The following AADAT variants were observed in gnomAD, a reference collection of about 807,000 sequenced individuals.
AADAT encodes kynurenine/alpha-aminoadipate aminotransferase, mitochondrial.
Under a neutral mutation model 56.2 loss-of-function variants are expected in AADAT, and 25 were observed. The observed-to-expected ratio is 0.44, with a 90% CI of 0.32 to 0.62. The LOEUF (loss-of-function observed/expected upper bound fraction) is 0.62. AADAT is among the 20% of genes least tolerant of loss of function. The pLI is 0.04. For synonymous variants in AADAT, 173 were observed against 164.7 expected (o/e 1.05, Z -0.39); for missense variants, 387 against 510.5 (o/e 0.76, Z 2.33).
chr4:170,076,972 C>T (rs975513714), intron 4 of AADAT, among the ~76,000 whole-genome samples: 5 of 152,220 alleles, frequency 3.3e-5, no homozygotes, highest in African/African-American at 9.6e-5. Flanking sequence ...ACTATCCTTT[C>T]CCCCACTGAA....
intron 4 of AADAT, among the ~76,000 whole-genome samples, chr4:170,076,867 A>G (rs1398148309): frequency 2.0e-5 from 3 of 152,126 alleles, no homozygotes; most frequent in Non-Finnish European, 4.4e-5. Context: ...TCTTTGATCC[A>G]TTTTGAGTTA....
At chr4:170,066,862 T>C (rs910072972) in intron 9 of AADAT, among the ~76,000 whole-genome samples, 1 of 152,198 alleles carries the variant, frequency 6.6e-6, no homozygotes, top group African/African-American at 2.4e-5. Flanking sequence ...TTCCTCCTTA[T>C]TTCTAAATGT....
chr4:170,090,231 G>A (rs1390683966), upstream of AADAT: 2 of 152,220 alleles, frequency 1.3e-5, no homozygotes, highest in African/African-American at 4.8e-5. Flanking sequence ...TGACCGAGGG[G>A]ACCGGAAGTG....
chr4:170,068,570 G>T, intron 8 of AADAT, 21 bp downstream of exon 8: 3 of 1,505,980 alleles, frequency 2.0e-6, no homozygotes, highest in South Asian at 2.5e-5. Flanking sequence ...AAAAAAAATC[G>T]ATTTCCTAAA....
At chr4:170,092,487 G>A (rs1426547341), upstream of AADAT, among the ~76,000 whole-genome samples, 1 of 152,168 alleles carries the variant, frequency 6.6e-6, no homozygotes, top group African/African-American at 2.4e-5. Flanking sequence ...ACAAACTCTG[G>A]ACACACTGAC....
intron 1 of AADAT, 100 bp downstream of exon 1, chr4:170,089,524 G>T: frequency 7.7e-7 from 1 of 1,306,206 alleles, no homozygotes; most frequent in South Asian, 1.2e-5. Flanking sequence ...ACAGGGGTAC[G>T]CATGGATGCA....
In AADAT at chr4:170,068,610, T is replaced by A. The variant is rs781637765; in HGVS notation, c.881A>T (p.His294Leu). 2 of 1,603,730 alleles carry A rather than the reference T, an allele frequency of 1.2e-6. No individual in the cohort carries two copies. Among genetic ancestry groups the A allele is most frequent in the South Asian group, 2.3e-5 (2 of 88,202 alleles). ...CCTTACCTGGTTAAAAGTGCTGGGG[T>A]GCAATGTTGAAACTTGTATGTGTAA... is the stretch of plus-strand genomic sequence containing the variant. Reference protein sequence around the residue: ...VILHIQVSTLHPSTFNQLMIS... With the variant: ...VILHIQVSTLLPSTFNQLMIS... Residue 294 changes from histidine to leucine, a missense_variant, in exon 8 of 13, where the codon CAC becomes CTC. Coordinates refer to ENST00000337664, the MANE Select transcript of AADAT (RefSeq NM_016228.4).
intron 3 of AADAT, among the ~76,000 whole-genome samples, chr4:170,086,107 T>C (rs75770056): frequency 0.036 from 5,416 of 152,074 alleles, 324 homozygotes; most frequent in African/African-American, 0.12. Context: ...TAGCTAGGCA[T>C]ATTGGTGTGC....
chr4:170,088,453 G>T lies in AADAT; in HGVS notation c.179C>A (p.Thr60Asn). The part of the protein sequence containing the change: ...TAVITVENGK[T>N]IQFGEEMMKR... ...CATCATCTCTTCTCCAAATTGGATGGTCTTTCCATTTTCTACAGTGATTAC... is the reference window on the plus strand; with the variant it reads ...CATCATCTCTTCTCCAAATTGGATGTTCTTTCCATTTTCTACAGTGATTAC... Residue 60 changes from threonine to asparagine, a missense_variant, in exon 2 of 13, where the codon ACC becomes AAC. Thr to Asn is a moderately conservative substitution (Grantham distance 65). Transcript: ENST00000337664. 1 of 1,612,966 alleles carries T rather than the reference G, an allele frequency of 6.2e-7. No homozygotes were observed. Among genetic ancestry groups the T allele is most frequent in the African/African-American group, 1.3e-5 (1 of 74,998 alleles).
rs764583632 is a variant in AADAT at position 170,088,120 on chromosome 4, G to A, written c.236+276C>T. Among the ~76,000 whole-genome samples, 29 of 151,788 alleles carry A rather than the reference G, an allele frequency of 1.9e-4. No homozygotes were observed. The Middle Eastern group carries it at 0.01, about 53-fold the overall frequency. On this transcript the variant is annotated intron_variant, in intron 2 of 12. Transcript: ENST00000337664. ...GAAGCCTTCTTGGTCATTTGCGATT[G>A]AGAAGCAATCACTGAGGAGTGTTAA...
At chr4:170,089,355 C>T (rs76680776) in intron 1 of AADAT, 21,265 of 586,554 alleles carry the variant, frequency 0.036, 500 homozygotes, top group Middle Eastern at 0.058. Context: ...CCCCTCCCTT[C>T]CAAGGCCGTG....
At chr4:170,089,550 G>A in intron 1 of AADAT, 74 bp downstream of exon 1, 1 of 1,569,432 alleles carries the variant, frequency 6.4e-7, no homozygotes, top group Admixed American at 1.7e-5. Context: ...GCGGTGGCTT[G>A]CTAGGGAACC....
intron 12 of AADAT, 141 bp downstream of exon 12, chr4:170,061,751 A>T: frequency 2.1e-6 from 1 of 467,504 alleles, no homozygotes; most frequent in Middle Eastern, 5.5e-4. Flanking sequence ...TTTTAATGAT[A>T]GTTCATGACT....
At chr4:170,071,359 C>G (rs775583838) in intron 5 of AADAT, among the ~76,000 whole-genome samples, 1 of 152,150 alleles carries the variant, frequency 6.6e-6, no homozygotes, top group Non-Finnish European at 1.5e-5. Flanking sequence ...GTCAGTTGTG[C>G]AAATATCAGA....
At chr4:170,064,156 T>A (rs935427405) in intron 11 of AADAT, among the ~76,000 whole-genome samples, 3 of 152,160 alleles carry the variant, frequency 2.0e-5, no homozygotes, top group Non-Finnish European at 2.9e-5. Context: ...ATTTAAAAAA[T>A]TTTCATTATG....
At chr4:170,063,879 G>C (rs1731315935) in intron 11 of AADAT, among the ~76,000 whole-genome samples, 1 of 151,284 alleles carries the variant, frequency 6.6e-6, no homozygotes, top group African/African-American at 2.4e-5. Flanking sequence ...AAGCTACACA[G>C]AAAAATATTT....
rs568490652 is a variant in AADAT at position 170,070,944 on chromosome 4, G to A, written c.655-292C>T. 4.9e-4 allele frequency among the ~76,000 whole-genome samples: 75 copies of A among 152,238 alleles called. No homozygotes were observed. In the Middle Eastern group the frequency reaches 0.01, roughly 21 times the overall value. On this transcript the variant is annotated intron_variant, in intron 5 of 12. Coordinates refer to ENST00000337664, the MANE Select transcript of AADAT (RefSeq NM_016228.4). ...TTTTGTTTTTTTGAGACAGAGTCTC[G>A]CTCTGTCGCCCAGGCTGGAGTGCAG...
intron 12 of AADAT, among the ~76,000 whole-genome samples, chr4:170,061,533 T>C (rs1731188369): frequency 1.3e-5 from 2 of 152,230 alleles, no homozygotes; most frequent in Non-Finnish European, 2.9e-5. Context: ...CCCTTGCTGA[T>C]ACTTTTTTCT....
intron 4 of AADAT, among the ~76,000 whole-genome samples, chr4:170,077,284 T>C (rs902502062): frequency 6.6e-6 from 1 of 152,218 alleles, no homozygotes; most frequent in Non-Finnish European, 1.5e-5. Context: ...CTTAGGGTAG[T>C]ATTAATATCT....
Sources: gnomAD v4.1 joint callset for allele counts (sites outside exome capture counted in the v4.1 genomes callset) on GRCh38, gnomAD v4.1.1 for gene constraint, MANE v1.5 for transcripts, NCBI Gene and HGNC (gene_info 2026-07-23, HGNC 2026-07-21) for gene names.